Variants in CSMD1 observed in about 807,000 individuals in gnomAD.
The protein encoded by CSMD1 is CUB and Sushi multiple domains 1, also known as CUB and sushi domain-containing protein 1.
Under a neutral mutation model 417.5 loss-of-function variants are expected in CSMD1, and 213 were observed. The observed-to-expected ratio is 0.51, with a 90% confidence interval of 0.46 to 0.57. The LOEUF is 0.57. Among genes scored for constraint, CSMD1 ranks in the 20% least tolerant of loss-of-function variants. The pLI is 0.00. For missense variants in CSMD1, 6,923 were observed against 4,529.7 expected, an observed-to-expected ratio of 1.53 and a Z score of -15.17; for synonymous variants, 2,862 against 1,736.8, an observed-to-expected ratio of 1.65 and a Z score of -16.11.
chr8:4,039,647 C>G (rs1258943126), intron 3 of CSMD1, among the ~76,000 whole-genome samples: 1 of 152,082 alleles, frequency 6.6e-6, no homozygotes, highest in African/African-American at 2.4e-5. Context: ...CCTCATGGGA[C>G]GTAATCAGAA....
At chr8:4,342,226 TGTG>T in intron 3 of CSMD1, among the ~76,000 whole-genome samples, 1 of 11,258 alleles carries the variant, frequency 8.9e-5, no homozygotes, top group South Asian at 1.1e-3. Flanking sequence ...TGTGTGTGTG[TGTG>T]TGTCTGTGTG....
chr8:4,977,555 G>T (rs140053444), intron 1 of CSMD1, among the ~76,000 whole-genome samples: 1 of 152,190 alleles, frequency 6.6e-6, no homozygotes, highest in Non-Finnish European at 1.5e-5. Context: ...ACAGCGCACA[G>T]TGGCTGGCTC....
intron 1 of CSMD1, among the ~76,000 whole-genome samples, chr8:4,845,546 G>T (rs140708823): frequency 6.6e-6 from 1 of 152,186 alleles, no homozygotes; most frequent in Admixed American, 6.5e-5. Flanking sequence ...GTTGAACTTT[G>T]GCCTACGTGG....
chr8:4,020,866 G>A lies in CSMD1; in HGVS notation c.610+11039C>T, dbSNP rs139618241. On this transcript the variant is annotated intron_variant, in intron 4 of 69. Coordinates refer to ENST00000635120, the MANE Select transcript of CSMD1 (RefSeq NM_033225.6). ...CTTTTGCCTAAACTAATTTTAAAAG[G>A]GACCCTATTTTTGGTCCTACTCAGC... is the stretch of plus-strand genomic sequence containing the variant. Among the ~76,000 whole-genome samples the A allele has an allele frequency of 7.2e-5, 11 of 152,076 alleles. No individual in the cohort carries two copies. In the East Asian group the frequency reaches 7.7e-4, roughly 11 times the overall value.
intron 2 of CSMD1, among the ~76,000 whole-genome samples, chr8:4,631,064 G>A (rs1802480494): frequency 6.6e-6 from 1 of 152,130 alleles, no homozygotes; most frequent in Admixed American, 6.5e-5. Context: ...CACTAGCCAA[G>A]CTAAAAATAA....
intron 1 of CSMD1, among the ~76,000 whole-genome samples, chr8:4,837,543 G>A (rs2116755256): frequency 6.6e-6 from 1 of 152,078 alleles, no homozygotes; most frequent in Non-Finnish European, 1.5e-5. Context: ...TCTTATCTGT[G>A]GAATCTAAAA....
rs1801766174 is a variant in CSMD1 at position 4,621,321 on chromosome 8, T to G, written c.302+16021A>C. On this transcript the variant is annotated intron_variant, in intron 2 of 69. Transcript: ENST00000635120. Reference sequence around the variant, plus strand: ...ATGCAACTCATCAAAGAAGGTCAGGTGTGGAATTTTCCACTTATGATGTCA... The same window carrying G: ...ATGCAACTCATCAAAGAAGGTCAGGGGTGGAATTTTCCACTTATGATGTCA... 2.6e-5 allele frequency among the ~76,000 whole-genome samples: 4 copies of G among 152,210 alleles called. No homozygotes were observed. The South Asian group carries it at 8.3e-4, about 32-fold the overall frequency.
In CSMD1 at chr8:4,654,860, T is replaced by C. The variant is rs1804130447; in HGVS notation, c.86-17302A>G. On this transcript the variant is annotated intron_variant, in intron 1 of 69. Transcript: ENST00000635120. The stretch of plus-strand genomic sequence containing the variant: ...TAAAGACAACAAATAATGATTTATT[T>C]GGAAAGGGGCAAAGGGTTGAAAAAC... 2.0e-5 allele frequency among the ~76,000 whole-genome samples: 3 copies of C among 152,064 alleles called. No individual in the cohort carries two copies. The South Asian group carries it at 6.2e-4, about 31-fold the overall frequency.
At chr8:4,249,431 G>T (rs1802914632) in intron 3 of CSMD1, among the ~76,000 whole-genome samples, 1 of 152,094 alleles carries the variant, frequency 6.6e-6, no homozygotes, top group Non-Finnish European at 1.5e-5. Flanking sequence ...AGTGAAAAAG[G>T]ATCCTATAAT....
intron 52 of CSMD1, among the ~76,000 whole-genome samples, chr8:3,012,796 T>G (rs1010137281): frequency 1.1e-4 from 17 of 152,176 alleles, no homozygotes; most frequent in Non-Finnish European, 2.5e-4. Context: ...CTGTACACAG[T>G]GCCTGCTTCA....
chr8:3,797,648 T>C (rs1800234201), intron 5 of CSMD1, among the ~76,000 whole-genome samples: 2 of 152,010 alleles, frequency 1.3e-5, no homozygotes, highest in East Asian at 1.9e-4. Flanking sequence ...TACAAATATG[T>C]TATAATTTAT....
chr8:3,842,747 A>T (rs757739231), intron 5 of CSMD1, among the ~76,000 whole-genome samples: 1 of 151,494 alleles, frequency 6.6e-6, no homozygotes, highest in African/African-American at 2.4e-5. Flanking sequence ...TGGGAAACAG[A>T]AAAAAAAAGA....
intron 54 of CSMD1, among the ~76,000 whole-genome samples, chr8:2,996,965 G>A (rs142264917): frequency 3.9e-5 from 6 of 152,322 alleles, no homozygotes; most frequent in African/African-American, 1.4e-4. Context: ...GCTCACCCCT[G>A]TGCACCTGGG....
chr8:3,906,443 G>C (rs1272617762), intron 5 of CSMD1, among the ~76,000 whole-genome samples: 1 of 152,070 alleles, frequency 6.6e-6, no homozygotes, highest in East Asian at 1.9e-4. Flanking sequence ...TAATGCCTTA[G>C]AAATCATGAT....
chr8:3,074,183 T>C (rs566984575), intron 49 of CSMD1, among the ~76,000 whole-genome samples: 107 of 152,328 alleles, frequency 7.0e-4, no homozygotes, highest in Non-Finnish European at 1.2e-3. Flanking sequence ...CTGTGTTCCA[T>C]GTTCTGTGTC....
intron 12 of CSMD1, among the ~76,000 whole-genome samples, chr8:3,415,250 G>A (rs1045053600): frequency 1.3e-5 from 2 of 151,658 alleles, no homozygotes; most frequent in African/African-American, 4.8e-5. Context: ...ACATACTTCT[G>A]ATTTTTTTCT....
At chr8:3,940,497 C>CTG (rs34005059) in intron 5 of CSMD1, among the ~76,000 whole-genome samples, 25,749 of 144,774 alleles carry the variant, frequency 0.18, 2,310 homozygotes, top group South Asian at 0.22. Flanking sequence ...ATTATTTCCT[C>CTG]TGTGTGTGTG....
intron 3 of CSMD1, among the ~76,000 whole-genome samples, chr8:4,389,027 T>C (rs1027025533): frequency 1.3e-5 from 2 of 152,206 alleles, no homozygotes; most frequent in African/African-American, 4.8e-5. Flanking sequence ...CAGCATTAAG[T>C]AAGCATGCAG....
intron 5 of CSMD1, among the ~76,000 whole-genome samples, chr8:3,835,752 C>T (rs1802655793): frequency 6.6e-6 from 1 of 151,666 alleles, no homozygotes; most frequent in African/African-American, 2.4e-5. Context: ...TGGATGGCTC[C>T]ACCCTTAACC....
Sources: allele counts gnomAD v4.1 joint callset (sites outside exome capture counted in the v4.1 genomes callset), GRCh38; gene constraint gnomAD v4.1.1; transcripts MANE v1.5; gene names NCBI Gene and HGNC (gene_info 2026-07-23, HGNC 2026-07-21).